Variants in AGPS observed in about 807,000 individuals in gnomAD.
The protein encoded by AGPS is alkyldihydroxyacetonephosphate synthase, peroxisomal.
AGPS carries 26 observed loss-of-function variants against 90.7 expected under a neutral mutation model. The ratio of observed to expected loss-of-function variants is 0.29; its 90% CI spans 0.21 to 0.40. AGPS has a LOEUF of 0.40. AGPS is among the 10% of genes least tolerant of loss of function. AGPS has a pLI of 1.00. For missense variants in AGPS, 540 were observed against 816.1 expected (o/e 0.66, Z 4.12); for synonymous variants, 294 against 285.3 (o/e 1.03, Z -0.31).
Position 177,539,109 on chromosome 2 carries a change from C to A in AGPS, c.*914C>A, listed in dbSNP as rs2079209369. ...GTCTCCAATTGCAAGAATTGTTTCA[C>A]TAAAGAAACAGTCATCATTCAACTA... is the stretch of plus-strand genomic sequence containing the variant. On this transcript the variant is annotated 3_prime_UTR_variant, in exon 20 of 20. Transcript: ENST00000264167. 6.6e-6 allele frequency: 1 copy of A among 151,974 alleles called. No individual in the cohort carries two copies. Among genetic ancestry groups the A allele is most frequent in the Non-Finnish European group, 1.5e-5 (1 of 67,916 alleles). 9.4% of individuals were successfully genotyped at this position (151,974 alleles called of 1,614,324 possible).
intron 17 of AGPS, among the ~76,000 whole-genome samples, chr2:177,519,761 C>T (rs779231934): frequency 3.9e-5 from 6 of 152,076 alleles, no homozygotes; most frequent in Non-Finnish European, 7.3e-5. Context: ...CCAGGATGAT[C>T]CAGACCTCAG....
At chr2:177,488,295 C>G (rs1297151682) in intron 11 of AGPS, among the ~76,000 whole-genome samples, 3 of 151,914 alleles carry the variant, frequency 2.0e-5, no homozygotes, top group African/African-American at 7.2e-5. Flanking sequence ...TCACTGCAAG[C>G]TCCACCTCCC....
At position 177,540,201 on chromosome 2, in the gene AGPS, CA is replaced by C. The variant is rs2079222562; in HGVS notation, c.*2008del. The C allele has an allele frequency of 6.6e-6, 1 of 151,654 alleles. No individual in the cohort carries two copies. The allele number at this position is 151,654 out of a possible 1,614,324, so 9.4% of individuals were successfully genotyped here. A position where few individuals can be genotyped will look rare whatever the true frequency, so the allele number is the denominator to read the frequency against. On this transcript the variant is annotated 3_prime_UTR_variant, in exon 20 of 20. Transcript: ENST00000264167. ...TCTTTCCCAGGGAGTTCAATTTCAG[CA>C]ACCTCAGAAATCCATACTTGATATT...
chr2:177,436,498 T>G (rs552026144), intron 3 of AGPS, among the ~76,000 whole-genome samples: 1 of 152,124 alleles, frequency 6.6e-6, no homozygotes, highest in African/African-American at 2.4e-5. Flanking sequence ...AGTGCGAAAG[T>G]CAAGTAGCTT....
intron 11 of AGPS, 24 bp from the exon 12 acceptor site, chr2:177,493,124 C>G: frequency 6.8e-7 from 1 of 1,466,960 alleles, no homozygotes; most frequent in Non-Finnish European, 9.4e-7. Context: ...ATTTGTATCA[C>G]TTTTTTTTTT....
intron 1 of AGPS, among the ~76,000 whole-genome samples, chr2:177,405,862 C>G (rs1685455662): frequency 6.6e-6 from 1 of 151,820 alleles, no homozygotes; most frequent in African/African-American, 2.4e-5. Context: ...GTTATTATCT[C>G]TAACTCTCAA....
chr2:177,457,652 A>G (rs911564312), intron 8 of AGPS, among the ~76,000 whole-genome samples: 2 of 152,340 alleles, frequency 1.3e-5, no homozygotes, highest in East Asian at 1.9e-4. Context: ...AAATCCCTCA[A>G]TAAACCAATA....
At chr2:177,524,904 T>C (rs2079068026) in intron 19 of AGPS, among the ~76,000 whole-genome samples, 1 of 152,172 alleles carries the variant, frequency 6.6e-6, no homozygotes, top group Non-Finnish European at 1.5e-5. Context: ...TACAGCAAGG[T>C]CTGGAAAAGA....
In AGPS at chr2:177,401,100, A is replaced by G. The variant is rs553829919; in HGVS notation, c.260+8051A>G. ...TCTGTAATCTGTGTTATCCAGTATC[A>G]TAGCCACTATGGAGCTGACTTTTAA... is the stretch of plus-strand genomic sequence containing the variant. On this transcript the variant is annotated intron_variant, in intron 1 of 19. Coordinates refer to ENST00000264167, the MANE Select transcript of AGPS (RefSeq NM_003659.4). Among the ~76,000 whole-genome samples the G allele has an allele frequency of 2.0e-5, 3 of 152,340 alleles. No individual in the cohort carries two copies. The South Asian group carries it at 6.2e-4, about 32-fold the overall frequency.
intron 1 of AGPS, among the ~76,000 whole-genome samples, chr2:177,403,233 A>G (rs1418435157): frequency 6.6e-6 from 1 of 152,216 alleles, no homozygotes; most frequent in Non-Finnish European, 1.5e-5. Flanking sequence ...TGTAAGGTAT[A>G]GGAAAGGAAT....
intron 16 of AGPS, among the ~76,000 whole-genome samples, chr2:177,509,002 A>G (rs1055630511): frequency 6.6e-5 from 10 of 152,162 alleles, no homozygotes; most frequent in African/African-American, 2.2e-4. Context: ...TATAAAATTT[A>G]TAAAGTACTT....
rs1688888261 is a variant in AGPS, at chr2:177,512,011, C to A, written c.1608-1808C>A. Among the ~76,000 whole-genome samples the A allele has an allele frequency of 2.0e-5, 3 of 152,288 alleles. No homozygotes were observed. In the South Asian group the frequency reaches 6.2e-4, roughly 32 times the overall value. On this transcript the variant is annotated intron_variant, in intron 16 of 19. Transcript: ENST00000264167. ...CATAACTTGCAAAGGACTGTAACAG[C>A]AGATGATTGTATTCTTAGATTTTTT... is the stretch of plus-strand genomic sequence containing the variant.
chr2:177,532,822 A>G (rs567883510), intron 19 of AGPS, among the ~76,000 whole-genome samples: 1 of 152,316 alleles, frequency 6.6e-6, no homozygotes, highest in Non-Finnish European at 1.5e-5. Context: ...CTATCGATAC[A>G]TGCAACAACT....
chr2:177,513,742 A>G (rs1292795248), intron 16 of AGPS, 77 bp from the exon 17 acceptor site: 1 of 1,080,840 alleles, frequency 9.3e-7, no homozygotes, highest in Non-Finnish European at 1.4e-6. Flanking sequence ...GAATGATGCC[A>G]GATTAACCAA....
At chr2:177,463,011 AG>A (rs1017921553) in intron 9 of AGPS, among the ~76,000 whole-genome samples, 2 of 152,146 alleles carry the variant, frequency 1.3e-5, no homozygotes, top group African/African-American at 4.8e-5. Flanking sequence ...CTGTTTCCTT[AG>A]GAGATTTTGC....
At chr2:177,438,428 G>T (rs1030082430) in intron 5 of AGPS, among the ~76,000 whole-genome samples, 2 of 152,166 alleles carry the variant, frequency 1.3e-5, no homozygotes, top group African/African-American at 4.8e-5. Flanking sequence ...TATAGTGGAA[G>T]TATATTTTGC....
chr2:177,514,549 A>G (rs1488563053), intron 17 of AGPS, among the ~76,000 whole-genome samples: 2 of 152,176 alleles, frequency 1.3e-5, no homozygotes, highest in Non-Finnish European at 2.9e-5. Context: ...TGTTAAGCTT[A>G]CTTGCTCCTT....
In AGPS at chr2:177,411,899, G is replaced by A. The variant is rs183054978; in HGVS notation, c.261-8370G>A. On this transcript the variant is annotated intron_variant, in intron 1 of 19. Coordinates refer to ENST00000264167, the MANE Select transcript of AGPS (RefSeq NM_003659.4). ...ATTGTATTGCAGAGGGATAAGCTGG[G>A]TAGAAATCGGGGGAGGAGAGCATCT... 1.1e-4 allele frequency among the ~76,000 whole-genome samples: 17 copies of A among 152,314 alleles called. No individual in the cohort carries two copies. The East Asian group carries it at 3.1e-3, about 28-fold the overall frequency.
chr2:177,497,301 A>G (rs1688439172), intron 12 of AGPS, among the ~76,000 whole-genome samples: 1 of 151,918 alleles, frequency 6.6e-6, no homozygotes, highest in Admixed American at 6.6e-5. Context: ...ATATAATTAA[A>G]AAAAAAAGTA....
Sources: gnomAD v4.1 joint callset for allele counts (sites outside exome capture counted in the v4.1 genomes callset) on GRCh38, gnomAD v4.1.1 for gene constraint, MANE v1.5 for transcripts, NCBI Gene and HGNC (gene_info 2026-07-23, HGNC 2026-07-21) for gene names.